The following FBLN2 variants were observed in gnomAD, a reference collection of about 807,000 sequenced individuals.
FBLN2 encodes fibulin 2.
Under a neutral mutation model 123.7 loss-of-function variants are expected in FBLN2, and 81 were observed. That is an observed-to-expected ratio of 0.65 (90% CI 0.55 to 0.79). The LOEUF (loss-of-function observed/expected upper bound fraction) is 0.79. FBLN2 is among the 30% of genes least tolerant of loss of function. The probability of loss-of-function intolerance (pLI) is 0.00; values close to 1 mark genes in which losing one functional copy is unlikely to be tolerated. For synonymous variants in FBLN2, 699 were observed against 701.4 expected (o/e 1.00, Z 0.05); for missense variants, 1,603 against 1,681.3 (o/e 0.95, Z 0.81).
chr3:13,617,115 TG>T (rs1705635271), intron 5 of FBLN2, among the ~76,000 whole-genome samples: 1 of 150,384 alleles, frequency 6.6e-6, no homozygotes, highest in Non-Finnish European at 1.5e-5. Context: ...GCTTGAGGTC[TG>T]TTCATTCATT....
chr3:13,570,045 T>C (rs534325779), intron 1 of FBLN2, among the ~76,000 whole-genome samples: 71 of 152,036 alleles, frequency 4.7e-4, no homozygotes, highest in African/African-American at 1.5e-3. Flanking sequence ...GGATGGAGGA[T>C]GGAGTGGCCC....
intron 1 of FBLN2, among the ~76,000 whole-genome samples, chr3:13,559,173 A>C (rs1303485773): frequency 6.6e-6 from 1 of 152,094 alleles, no homozygotes; most frequent in Non-Finnish European, 1.5e-5. Context: ...CTCACATAGC[A>C]GTTTTAGGTA....
At chr3:13,621,328 G>T (rs896301574) in intron 8 of FBLN2, among the ~76,000 whole-genome samples, 2 of 152,170 alleles carry the variant, frequency 1.3e-5, no homozygotes, top group Non-Finnish European at 2.9e-5. Flanking sequence ...GCATACAAGG[G>T]GCCCACACCC....
At chr3:13,553,653 G>A (rs1355003518) in intron 1 of FBLN2, among the ~76,000 whole-genome samples, 1 of 152,246 alleles carries the variant, frequency 6.6e-6, no homozygotes, top group East Asian at 1.9e-4. Flanking sequence ...TATGGAGATT[G>A]TTGCAAAGCA....
chr3:13,625,700 C>A (rs1371380892), intron 9 of FBLN2, among the ~76,000 whole-genome samples: 1 of 152,038 alleles, frequency 6.6e-6, no homozygotes, highest in Non-Finnish European at 1.5e-5. Context: ...CCACTTCTCC[C>A]AGCCCATTGA....
At chr3:13,558,971 T>C (rs555588118) in intron 1 of FBLN2, among the ~76,000 whole-genome samples, 95 of 152,104 alleles carry the variant, frequency 6.2e-4, no homozygotes, top group Non-Finnish European at 1.1e-3. Context: ...GGTTGGGAAC[T>C]AGAGAGAGTT....
At chr3:13,604,326 G>A (rs1705135515) in intron 2 of FBLN2, among the ~76,000 whole-genome samples, 1 of 152,058 alleles carries the variant, frequency 6.6e-6, no homozygotes, top group African/African-American at 2.4e-5. Context: ...TGTCCTGAAT[G>A]GTATTGCCTA....
intron 2 of FBLN2, among the ~76,000 whole-genome samples, chr3:13,580,326 G>T (rs1704283643): frequency 6.6e-6 from 1 of 152,162 alleles, no homozygotes; most frequent in African/African-American, 2.4e-5. Flanking sequence ...GGGTGTACTG[G>T]ATTTTACTTA....
At chr3:13,629,320 G>A (rs1706169271) in intron 13 of FBLN2, 28 bp downstream of exon 13, 2 of 1,587,594 alleles carry the variant, frequency 1.3e-6, no homozygotes, top group South Asian at 1.2e-5. Context: ...CAGGACCCCT[G>A]GGGAACACCT....
rs773910275 is a variant in FBLN2 at position 13,628,937 on chromosome 3, T to C, written c.2602T>C (p.Cys868Arg). 1.9e-6 allele frequency: 3 copies of C among 1,613,612 alleles called. No homozygotes were observed. Among genetic ancestry groups the C allele is most frequent in the Admixed American group, 1.7e-5 (1 of 59,980 alleles). Residue 868 changes from cysteine (C) to arginine (R), a missense_variant, in exon 12 of 18, where the codon TGT (cysteine) becomes CGT (arginine). Cys to Arg is a radical substitution (Grantham distance 180, BLOSUM62 -3). Transcript: ENST00000404922. Reference protein sequence around the residue: ...INECTSLSEPCRPGFSCINTV... With the variant: ...INECTSLSEPRRPGFSCINTV... ...CGAGTGCACGTCACTGTCCGAGCCA[T>C]GTCGGCCAGGCTTCAGCTGCATCAA...
intron 2 of FBLN2, among the ~76,000 whole-genome samples, chr3:13,589,779 C>T (rs925689821): frequency 1.3e-5 from 2 of 152,216 alleles, no homozygotes; most frequent in Admixed American, 6.5e-5. Context: ...CAAAGGGTAC[C>T]GTATAGCTCG....
At chr3:13,569,098 C>T (rs921460266) in intron 1 of FBLN2, 66 of 977,952 alleles carry the variant, frequency 6.7e-5, no homozygotes, top group Non-Finnish European at 7.9e-5. Context: ...CACTGGGTCA[C>T]AAGTGGGGCT....
At chr3:13,597,373 G>T (rs939498752) in intron 2 of FBLN2, among the ~76,000 whole-genome samples, 2 of 152,108 alleles carry the variant, frequency 1.3e-5, no homozygotes, top group South Asian at 2.1e-4. Flanking sequence ...CCATAGGGTC[G>T]CCCCTGACAC....
rs551989919 is a variant in FBLN2 at position 13,628,119 on chromosome 3, T to C, written c.2569+150T>C. On this transcript the variant is annotated intron_variant, in intron 11 of 17. Coordinates refer to ENST00000404922, the MANE Select transcript of FBLN2 (RefSeq NM_001004019.2). ...TTGTCCCTACCTGTGAATGGGCATG[T>C]CAAGTGTTCAACCCTGGGGGCACCA... 1,031 of 1,002,502 alleles carry C rather than the reference T, an allele frequency of 1.0e-3. 1 individual carries two copies. Among genetic ancestry groups the C allele is most frequent in the Non-Finnish European group, 1.3e-3 (893 of 688,832 alleles). The allele number at this position is 1,002,502 out of a possible 1,614,324, so 62.1% of individuals were successfully genotyped here. A position where few individuals can be genotyped will look rare whatever the true frequency, so the allele number is the denominator to read the frequency against.
intron 1 of FBLN2, among the ~76,000 whole-genome samples, chr3:13,558,491 T>G (rs186464752): frequency 8.7e-4 from 132 of 152,256 alleles, no homozygotes; most frequent in African/African-American, 3.0e-3. Context: ...TTTAGGTCAC[T>G]TAGCCAGTGA....
Position 13,618,207 on chromosome 3 carries a change from A to G in FBLN2, c.1861A>G (p.Ile621Val), listed in dbSNP as rs770900067. Residue 621 changes from isoleucine (I) to valine (V), a missense_variant, in exon 6 of 18, where the codon ATC (isoleucine) becomes GTC (valine). By Grantham distance (29) the Ile-to-Val change is conservative. Coordinates refer to ENST00000404922, the MANE Select transcript of FBLN2 (RefSeq NM_001004019.2). ...LPGELCQHLC[I>V]NTVGSYHCAC... ...GGGAGAGCTGTGCCAGCACCTTTGC[A>G]TCAATACTGTGGGTTCTTACCACTG... 1 of 1,613,890 alleles carries G rather than the reference A, an allele frequency of 6.2e-7. No individual in the cohort carries two copies. Among genetic ancestry groups the G allele is most frequent in the Non-Finnish European group, 8.5e-7 (1 of 1,179,890 alleles).
At chr3:13,554,040 C>G (rs1446070044) in intron 1 of FBLN2, among the ~76,000 whole-genome samples, 1 of 152,268 alleles carries the variant, frequency 6.6e-6, no homozygotes, top group Non-Finnish European at 1.5e-5. Flanking sequence ...GGCCTGAGCC[C>G]CCGGAGCCTG....
At chr3:13,601,254 G>A (rs1705023335) in intron 2 of FBLN2, among the ~76,000 whole-genome samples, 1 of 152,232 alleles carries the variant, frequency 6.6e-6, no homozygotes, top group African/African-American at 2.4e-5. Context: ...GGCAATCTTG[G>A]AAGAGGTTTA....
At chr3:13,626,686 GC>G in intron 10 of FBLN2, 107 bp downstream of exon 10, 1 of 1,178,782 alleles carries the variant, frequency 8.5e-7, no homozygotes, top group Non-Finnish European at 1.2e-6. Flanking sequence ...CTTAGGCCTG[GC>G]CACGCCCCTC....
Sources: allele counts gnomAD v4.1 joint callset (sites outside exome capture counted in the v4.1 genomes callset), GRCh38; gene constraint gnomAD v4.1.1; transcripts MANE v1.5; gene names NCBI Gene and HGNC (gene_info 2026-07-23, HGNC 2026-07-21).